The following SUDS3 variants were observed in gnomAD, a reference collection of about 807,000 sequenced individuals.
SUDS3 encodes the protein sin3 histone deacetylase corepressor complex component SDS3.
In SUDS3, 23 loss-of-function variants were observed where a neutral mutation model predicts 53.5. The ratio of observed to expected loss-of-function variants is 0.43; its 90% CI spans 0.31 to 0.61. The LOEUF is 0.61. SUDS3 is among the 20% of genes least tolerant of loss of function. SUDS3 has a pLI of 0.10. For missense variants in SUDS3, 291 were observed against 405.9 expected, an observed-to-expected ratio of 0.72 and a Z score of 2.43; for synonymous variants, 150 against 148.5, an observed-to-expected ratio of 1.01 and a Z score of -0.08.
chr12:118,394,532 C>G (rs1226721374), intron 6 of SUDS3, among the ~76,000 whole-genome samples: 1 of 152,186 alleles, frequency 6.6e-6, no homozygotes, highest in Non-Finnish European at 1.5e-5. Flanking sequence ...CACTAAGTGA[C>G]TCACAAAATC....
chr12:118,391,057 C>T (rs145619426), intron 5 of SUDS3, 69 bp from the exon 6 acceptor site: 2 of 1,583,586 alleles, frequency 1.3e-6, no homozygotes. Flanking sequence ...GAGGACAGGG[C>T]TAGACTTTGA....
rs2045997656 is a variant in SUDS3 at position 118,376,620 on chromosome 12, G to C, written c.-72G>C. ...TTGGGGGCTGCCGCGGACACTGCTA[G>C]GCAGACGGCGAGTACCGAGCGCGGG... On this transcript the variant is annotated 5_prime_UTR_variant, in exon 1 of 12. Transcript: ENST00000543473. 2 of 1,375,540 alleles carry C rather than the reference G, an allele frequency of 1.5e-6. No individual in the cohort carries two copies. Among genetic ancestry groups the C allele is most frequent in the African/African-American group, 1.5e-5 (1 of 65,528 alleles). The allele number at this position is 1,375,540 out of a possible 1,614,324, so 85.2% of individuals were successfully genotyped here. A position where few individuals can be genotyped will look rare whatever the true frequency, so the allele number is the denominator to read the frequency against.
At position 118,415,314 on chromosome 12, in the gene SUDS3, G is replaced by A. The variant is rs1232693119; in HGVS notation, c.*881G>A. 6.6e-6 allele frequency: 1 copy of A among 152,132 alleles called. No homozygotes were observed. The highest frequency in any genetic ancestry group is 1.5e-5 in the Non-Finnish European group (1 of 68,034). 9.4% of individuals were successfully genotyped at this position (152,132 alleles called of 1,614,324 possible). A position where few individuals can be genotyped will look rare whatever the true frequency, so the allele number is the denominator to read the frequency against. On this transcript the variant is annotated 3_prime_UTR_variant, in exon 12 of 12. Coordinates refer to ENST00000543473, the MANE Select transcript of SUDS3 (RefSeq NM_022491.3). ...TTACGGGTGGGAGGTGAGATTGATA[G>A]TGCAATAATCAGTGATCTATAGACC...
intron 4 of SUDS3, among the ~76,000 whole-genome samples, chr12:118,387,013 G>T (rs914060905): frequency 6.6e-6 from 1 of 152,144 alleles, no homozygotes; most frequent in Non-Finnish European, 1.5e-5. Context: ...TGAGGGTTGG[G>T]TGCCACTCCT....
chr12:118,387,127 T>A (rs1164270664), intron 4 of SUDS3, among the ~76,000 whole-genome samples: 1 of 152,068 alleles, frequency 6.6e-6, no homozygotes, highest in African/African-American at 2.4e-5. Context: ...AGAAAAGGGG[T>A]TGAAGTGTGG....
At position 118,410,482 on chromosome 12, in the gene SUDS3, G is replaced by A. The variant is rs11068935; in HGVS notation, c.804-591G>A. ...CACTTTCCTCAGCCTTTTCCCTTCT[G>A]TAGAGGGACCAAGGAATATAAGCTT... On this transcript the variant is annotated intron_variant, in intron 10 of 11. Coordinates refer to ENST00000543473, the MANE Select transcript of SUDS3 (RefSeq NM_022491.3). Among the ~76,000 whole-genome samples, 113 of 152,218 alleles carry A rather than the reference G, an allele frequency of 7.4e-4. 3 individuals are homozygous for A. The East Asian group carries it at 0.02, about 27-fold the overall frequency.
chr12:118,395,192 TG>T (rs1159195841), intron 6 of SUDS3, among the ~76,000 whole-genome samples: 1 of 148,724 alleles, frequency 6.7e-6, no homozygotes, highest in Admixed American at 6.7e-5. Flanking sequence ...TGTTCTTTCC[TG>T]GTGCTGGCAT....
chr12:118,376,786 G>A lies in SUDS3; in HGVS notation c.95G>A (p.Ser32Asn), dbSNP rs753872124. 5 of 1,553,962 alleles carry A rather than the reference G, an allele frequency of 3.2e-6. No homozygotes were observed. The highest frequency in any genetic ancestry group is 3.8e-5 in the Admixed American group (2 of 52,990). ...YYPEEDEELE[S>N]AEDDERSCRG... is the part of the protein sequence containing the mutation. ...CCCGAGGAGGATGAAGAGCTGGAGA[G>A]CGCCGAGGACGACGAGCGCAGCTGT... The change falls in exon 1 of 12, where the codon AGC (serine) becomes AAC (asparagine). Residue 32 changes from serine to asparagine, a missense_variant. Transcript: ENST00000543473.
chr12:118,398,531 T>C (rs1273753096), intron 6 of SUDS3, among the ~76,000 whole-genome samples: 1 of 152,002 alleles, frequency 6.6e-6, no homozygotes, highest in East Asian at 1.9e-4. Flanking sequence ...ATTAGGGCTT[T>C]GGTTCTTATT....
intron 7 of SUDS3, 146 bp from the exon 8 acceptor site, chr12:118,401,613 T>C (rs2046263248): frequency 4.4e-6 from 3 of 689,606 alleles, no homozygotes; most frequent in Admixed American, 2.7e-5. Flanking sequence ...AGGAGAATCA[T>C]AAATTTCTAA....
At chr12:118,398,236 G>T (rs61943400) in intron 6 of SUDS3, among the ~76,000 whole-genome samples, 17,468 of 152,168 alleles carry the variant, frequency 0.11, 1,270 homozygotes, top group Middle Eastern at 0.19. Flanking sequence ...GCGCACTGTG[G>T]GGGAGGCATT....
At chr12:118,398,170 G>A (rs1358427422) in intron 6 of SUDS3, among the ~76,000 whole-genome samples, 1 of 152,078 alleles carries the variant, frequency 6.6e-6, no homozygotes, top group African/African-American at 2.4e-5. Context: ...TAGAACTCCC[G>A]TTACGCCAGG....
intron 10 of SUDS3, among the ~76,000 whole-genome samples, chr12:118,409,138 A>C (rs2046335020): frequency 6.6e-6 from 1 of 151,406 alleles, no homozygotes; most frequent in Non-Finnish European, 1.5e-5. Flanking sequence ...GTTCTAATTG[A>C]ATTTAAAATT....
rs1156453575 is a variant in SUDS3 at position 118,416,978 on chromosome 12, G to A, written c.*2545G>A. ...AACCTGTATATGTGTTGTGTTAGAGGCATCTGCCTCAAGTCTATGTACAGT... is the reference window on the plus strand; with the variant it reads ...AACCTGTATATGTGTTGTGTTAGAGACATCTGCCTCAAGTCTATGTACAGT... On this transcript the variant is annotated 3_prime_UTR_variant, in exon 12 of 12. Transcript: ENST00000543473. 6.6e-6 allele frequency: 1 copy of A among 152,196 alleles called. No homozygotes were observed. The highest frequency in any genetic ancestry group is 6.5e-5 in the Admixed American group (1 of 15,268). The allele number at this position is 152,196 out of a possible 1,614,324, so 9.4% of individuals were successfully genotyped here. A position where few individuals can be genotyped will look rare whatever the true frequency, so the allele number is the denominator to read the frequency against.
intron 5 of SUDS3, among the ~76,000 whole-genome samples, chr12:118,390,329 C>T (rs2046153797): frequency 6.6e-6 from 1 of 152,192 alleles, no homozygotes; most frequent in Non-Finnish European, 1.5e-5. Flanking sequence ...TAAAAAAAGA[C>T]AGATTTCTAA....
rs1318332093 is a variant in SUDS3 at position 118,416,522 on chromosome 12, C to T, written c.*2089C>T. On this transcript the variant is annotated 3_prime_UTR_variant, in exon 12 of 12. Transcript: ENST00000543473. ...GTCATAGTCTCGACTCCGCCATTGC[C>T]TTCTCCTCGGCGTCCTCACAACTCT... The T allele has an allele frequency of 6.6e-6, 1 of 152,162 alleles. No individual in the cohort carries two copies. The highest frequency in any genetic ancestry group is 6.5e-5 in the Admixed American group (1 of 15,278). 9.4% of individuals were successfully genotyped at this position (152,162 alleles called of 1,614,324 possible). A position where few individuals can be genotyped will look rare whatever the true frequency, so the allele number is the denominator to read the frequency against.
chr12:118,389,978 C>T (rs758519224), intron 5 of SUDS3, 32 bp downstream of exon 5: 5 of 1,613,684 alleles, frequency 3.1e-6, no homozygotes, highest in African/African-American at 1.3e-5. Flanking sequence ...GGTTTGCAGG[C>T]CCTGTCTGAG....
chr12:118,400,558 T>A lies in SUDS3; in HGVS notation c.518-101T>A. 7 of 1,093,862 alleles carry A rather than the reference T, an allele frequency of 6.4e-6. No individual in the cohort carries two copies. The South Asian group carries it at 9.0e-5, about 14-fold the overall frequency. 67.8% of individuals were successfully genotyped at this position (1,093,862 alleles called of 1,614,324 possible). On this transcript the variant is annotated intron_variant, in intron 6 of 11. Transcript: ENST00000543473. ...GAACAAACACCCCCAGTAAAACAGT[T>A]CTGATTGGGTGGCTGGGGGGCAGAT...
intron 3 of SUDS3, among the ~76,000 whole-genome samples, chr12:118,384,918 A>C (rs1695046961): frequency 6.6e-6 from 1 of 152,090 alleles, no homozygotes; most frequent in East Asian, 1.9e-4. Context: ...GACCTTGGAC[A>C]TGCCAGTTTC....
Sources: gnomAD v4.1 joint callset for allele counts (sites outside exome capture counted in the v4.1 genomes callset) on GRCh38, gnomAD v4.1.1 for gene constraint, MANE v1.5 for transcripts, NCBI Gene and HGNC (gene_info 2026-07-23, HGNC 2026-07-21) for gene names.